Variants in PLXNA4 observed in about 807,000 individuals in gnomAD.
PLXNA4 encodes the protein plexin-A4.
A neutral mutation model predicts 191.8 loss-of-function variants in PLXNA4; 44 were observed. That is an observed-to-expected ratio of 0.23 (90% CI 0.18 to 0.29). PLXNA4 has a LOEUF of 0.29. PLXNA4 is among the 10% of genes least tolerant of loss of function. The pLI is 1.00. For missense variants in PLXNA4, 1,800 were observed against 2,488.8 expected, an observed-to-expected ratio of 0.72 and a Z score of 5.89; for synonymous variants, 1,082 against 1,009.5, an observed-to-expected ratio of 1.07 and a Z score of -1.36.
Position 132,168,525 on chromosome 7 carries a change from G to T in PLXNA4, c.4065C>A (p.Phe1355Leu), listed in dbSNP as rs200724235. ...ACACCTTGTTGTTGATGAGCTGGGC[G>T]AAGAGCTTCAGGCCTTTCTCCACAC... ...QERVEKGLKL[F>L]AQLINNKVFL... Residue 1355 changes from phenylalanine (F) to leucine (L), a missense_variant, in exon 22 of 32, where the codon TTC becomes TTA. Physicochemically the swap from Phe to Leu is conservative, Grantham distance 22. Transcript: ENST00000321063. The T allele has an allele frequency of 1.2e-6, 2 of 1,610,410 alleles. No homozygotes were observed. Among genetic ancestry groups the T allele is most frequent in the Non-Finnish European group, 1.7e-6 (2 of 1,177,816 alleles).
At chr7:132,210,855 G>A in intron 10 of PLXNA4, 88 bp downstream of exon 10, 3 of 1,436,404 alleles carry the variant, frequency 2.1e-6, no homozygotes, top group Non-Finnish European at 2.9e-6. Context: ...ACGACTGCAG[G>A]GCTGAGCTGA....
chr7:132,435,321 G>A (rs1213499073), intron 3 of PLXNA4, among the ~76,000 whole-genome samples: 1 of 152,034 alleles, frequency 6.6e-6, no homozygotes, highest in Non-Finnish European at 1.5e-5. Flanking sequence ...AGAGATTCTG[G>A]AATCTAGACA....
At chr7:132,536,832 AG>A (rs1208620435) in intron 1 of PLXNA4, among the ~76,000 whole-genome samples, 1 of 152,212 alleles carries the variant, frequency 6.6e-6, no homozygotes. Flanking sequence ...TCCCAACTCC[AG>A]GAAGTTAGGG....
chr7:132,611,145 C>G (rs1345098066), intron 2 of PLXNA4, among the ~76,000 whole-genome samples: 1 of 152,320 alleles, frequency 6.6e-6, no homozygotes, highest in South Asian at 2.1e-4. Context: ...TTGGCTGTTT[C>G]ATTTGGTGGT....
intron 3 of PLXNA4, among the ~76,000 whole-genome samples, chr7:132,433,319 TG>T (rs1367914543): frequency 6.6e-6 from 1 of 152,184 alleles, no homozygotes; most frequent in African/African-American, 2.4e-5. Context: ...AAACATGCTT[TG>T]GGGGTCCCTG....
At position 132,358,205 on chromosome 7, in the gene PLXNA4, A is replaced by G. The variant is rs148172143; in HGVS notation, c.1372-59983T>C. Among the ~76,000 whole-genome samples, 124 of 152,376 alleles carry G rather than the reference A, an allele frequency of 8.1e-4. 1 individual carries two copies. In the East Asian group the frequency reaches 0.02, roughly 25 times the overall value. ...TAATTATCCAGATATTTTGAAATATACAAATCCTTTTTGTTCCCCACTTCC... is the reference window on the plus strand; with the variant it reads ...TAATTATCCAGATATTTTGAAATATGCAAATCCTTTTTGTTCCCCACTTCC... On this transcript the variant is annotated intron_variant, in intron 3 of 31. Transcript: ENST00000321063.
At position 132,508,187 on chromosome 7, in the gene PLXNA4, G is replaced by A; in HGVS notation, c.507C>T (p.Val169=). The change falls in exon 2 of 32, where the codon GTC becomes GTT. Residue 169 remains valine, a synonymous_variant. Coordinates refer to ENST00000321063, the MANE Select transcript of PLXNA4 (RefSeq NM_020911.2). The surrounding 1 kb of genome is among the most constrained non-coding windows in gnomAD (Gnocchi z 4.4). The part of the protein sequence containing the change: ...YLSGVNESGS[V]FGVIVSYSNL... ...TGCTGTAGGAGACGATCACTCCAAA[G>A]ACTGAGCCGCTCTCGTTGACACCTG... 4 of 1,614,164 alleles carry A rather than the reference G, an allele frequency of 2.5e-6. No individual in the cohort carries two copies. The highest frequency in any genetic ancestry group is 3.4e-6 in the Non-Finnish European group (4 of 1,180,026).
At chr7:132,135,112 G>A (rs1795074838) in intron 30 of PLXNA4, among the ~76,000 whole-genome samples, 1 of 152,180 alleles carries the variant, frequency 6.6e-6, no homozygotes, top group African/African-American at 2.4e-5. Flanking sequence ...AAGGAGATTT[G>A]TGTCATTGTC....
intron 1 of PLXNA4, among the ~76,000 whole-genome samples, chr7:132,646,835 C>G (rs927458467): frequency 1.3e-5 from 2 of 152,072 alleles, no homozygotes; most frequent in African/African-American, 4.8e-5. Context: ...AGACACACGG[C>G]CACACATACG....
chr7:132,623,009 C>T (rs1469017331), intron 2 of PLXNA4, among the ~76,000 whole-genome samples: 1 of 152,126 alleles, frequency 6.6e-6, no homozygotes, highest in Non-Finnish European at 1.5e-5. Flanking sequence ...AACCAACCCA[C>T]CCCTCCAGGT....
At chr7:132,374,756 A>G (rs1585050942) in intron 3 of PLXNA4, among the ~76,000 whole-genome samples, 1 of 152,334 alleles carries the variant, frequency 6.6e-6, no homozygotes, top group Non-Finnish European at 1.5e-5. Flanking sequence ...AATCAGTGTG[A>G]GGCACTTGCA....
In PLXNA4 at chr7:132,164,125, C is replaced by G. The variant is rs199862893; in HGVS notation, c.4500+17G>C. The G allele has an allele frequency of 1.7e-5, 28 of 1,613,224 alleles. No homozygotes were observed. Among genetic ancestry groups the G allele is most frequent in the Non-Finnish European group, 2.2e-5 (26 of 1,179,990 alleles). Reference sequence around the variant, plus strand: ...CCGCCTGTCAAAGCCCCAGGGGAAACAGATGGGTGGGCTCACCAGGGTTTT... The same window carrying G: ...CCGCCTGTCAAAGCCCCAGGGGAAAGAGATGGGTGGGCTCACCAGGGTTTT... On this transcript the variant is annotated intron_variant, in intron 24 of 31. Coordinates refer to ENST00000321063, the MANE Select transcript of PLXNA4 (RefSeq NM_020911.2).
chr7:132,439,111 T>TC (rs1403610851), intron 3 of PLXNA4, among the ~76,000 whole-genome samples: 1 of 152,046 alleles, frequency 6.6e-6, no homozygotes, highest in East Asian at 1.9e-4. Flanking sequence ...CTCTTTTTTT[T>TC]CCTCAGGCCT....
chr7:132,617,407 C>T (rs1427536246), intron 2 of PLXNA4, among the ~76,000 whole-genome samples: 1 of 152,152 alleles, frequency 6.6e-6, no homozygotes, highest in East Asian at 1.9e-4. Context: ...CAGGGCCATC[C>T]CTGAACCCTG....
intron 1 of PLXNA4, among the ~76,000 whole-genome samples, chr7:132,555,057 C>CAAAAAAAAAAAAAAACA (rs1329396023): frequency 4.0e-4 from 53 of 131,974 alleles, no homozygotes; most frequent in Middle Eastern, 7.6e-3. Flanking sequence ...AAAAAAAAAA[C>CAAAAAAAAAAAAAAACA]AAAAAAAAAA....
chr7:132,391,617 CCAGG>C, intron 3 of PLXNA4, among the ~76,000 whole-genome samples: 1 of 151,732 alleles, frequency 6.6e-6, no homozygotes, highest in Middle Eastern at 3.4e-3. Context: ...GCAGCCAACC[CCAGG>C]CTACCCAGCA....
Position 132,228,349 on chromosome 7 carries a change from C to A in PLXNA4, c.1725G>T (p.Val575=). Residue 575 remains valine, a synonymous_variant, in exon 6 of 32, where the codon GTG becomes GTT. Transcript: ENST00000321063. ...CCCCAACCCCCACGACCCTTACCAG[C>A]ACGTTGTACTGAGAGACGGAGATAT... is the stretch of plus-strand genomic sequence containing the variant. The part of the protein sequence containing the change: ...PNNISVSQYN[V]LLVLETYNVP... 1 of 1,614,130 alleles carries A rather than the reference C, an allele frequency of 6.2e-7. No homozygotes were observed. Among genetic ancestry groups the A allele is most frequent in the Non-Finnish European group, 8.5e-7 (1 of 1,180,032 alleles).
intron 2 of PLXNA4, among the ~76,000 whole-genome samples, chr7:132,632,146 GAATT>G (rs1400750351): frequency 4.8e-5 from 7 of 146,572 alleles, no homozygotes; most frequent in Non-Finnish European, 1.0e-4. Context: ...TGAGGCAGGA[GAATT>G]ACTTGAACCC....
chr7:132,191,514 G>A lies in PLXNA4; in HGVS notation c.2856+2548C>T, dbSNP rs899973928. On this transcript the variant is annotated intron_variant, in intron 14 of 31. Coordinates refer to ENST00000321063, the MANE Select transcript of PLXNA4 (RefSeq NM_020911.2). ...GCCTGACTGGGGAAGCAGGGCAGAG[G>A]CAGCTAAGGTTCAAAAGAAGCATCA... 5.3e-5 allele frequency among the ~76,000 whole-genome samples: 8 copies of A among 152,172 alleles called. No homozygotes were observed. The East Asian group carries it at 1.2e-3, about 22-fold the overall frequency.
Sources: gnomAD v4.1 joint callset for allele counts (sites outside exome capture counted in the v4.1 genomes callset) on GRCh38, gnomAD v4.1.1 for gene constraint, Gnocchi (gnomAD v3.1) non-coding constraint, MANE v1.5 for transcripts, NCBI Gene and HGNC (gene_info 2026-07-23, HGNC 2026-07-21) for gene names.